The following GNA15 variants were observed in gnomAD, a reference collection of about 807,000 sequenced individuals.
GNA15 encodes guanine nucleotide-binding protein subunit alpha-15.
In GNA15, 23 loss-of-function variants were observed where a neutral mutation model predicts 40.1. That is an observed-to-expected ratio of 0.57 (90% CI 0.41 to 0.81). The LOEUF (loss-of-function observed/expected upper bound fraction) is 0.81, where lower values mean the gene tolerates loss of function less well. Ranked by LOEUF, GNA15 falls within the 40% of genes least tolerant of loss-of-function variation. The pLI is 0.00. For missense variants in GNA15, 522 were observed against 515.8 expected (o/e 1.01, Z -0.12); for synonymous variants, 226 against 210.4 (o/e 1.07, Z -0.64).
chr19:3,137,212 G>A (rs1914478668), intron 1 of GNA15, among the ~76,000 whole-genome samples: 1 of 152,238 alleles, frequency 6.6e-6, no homozygotes, highest in Non-Finnish European at 1.5e-5. Flanking sequence ...TCCTGTGAAG[G>A]AGCCAAGACA....
chr19:3,146,827 A>G (rs1914733794), intron 1 of GNA15, among the ~76,000 whole-genome samples: 1 of 150,700 alleles, frequency 6.6e-6, no homozygotes, highest in Non-Finnish European at 1.5e-5. Context: ...ACAGCCCTCC[A>G]TGGCTCCCAA....
chr19:3,137,169 G>A (rs1473949494), intron 1 of GNA15, among the ~76,000 whole-genome samples: 1 of 152,248 alleles, frequency 6.6e-6, no homozygotes, highest in Non-Finnish European at 1.5e-5. Flanking sequence ...CAGCCAAACA[G>A]GGGAAGATAT....
Position 3,162,862 on chromosome 19 carries a change from G to A in GNA15, c.968G>A (p.Cys323Tyr), listed in dbSNP as rs1915171324. The A allele has an allele frequency of 1.2e-6, 2 of 1,613,940 alleles. No individual in the cohort carries two copies. Among genetic ancestry groups the A allele is most frequent in the Non-Finnish European group, 1.7e-6 (2 of 1,179,954 alleles). Residue 323 changes from cysteine to tyrosine, a missense_variant, in exon 7 of 7, where the codon TGC becomes TAC. Physicochemically the swap from Cys to Tyr is radical, Grantham distance 194. Transcript: ENST00000262958. ...LDMYTRMYTG[C>Y]VDGPEGSKKG... ...ATGTACACGAGGATGTACACCGGGT[G>A]CGTGGACGGCCCCGAGGGCAGCAAG...
chr19:3,157,833 G>A lies in GNA15; in HGVS notation c.850G>A (p.Glu284Lys). The A allele has an allele frequency of 6.2e-7, 1 of 1,613,838 alleles. No homozygotes were observed. Among genetic ancestry groups the A allele is most frequent in the Non-Finnish European group, 8.5e-7 (1 of 1,179,736 alleles). The change falls in exon 6 of 7, where the codon GAG (glutamate) becomes AAG (lysine). Residue 284 changes from glutamate to lysine, a missense_variant. Glu to Lys is a moderately conservative substitution (Grantham distance 56). Coordinates refer to ENST00000262958, the MANE Select transcript of GNA15 (RefSeq NM_002068.4). ...TCTCAACAAAACCGACATCCTGGAGGAGAAAATCCCCACCTCCCACCTGGC... is the reference window on the plus strand; with the variant it reads ...TCTCAACAAAACCGACATCCTGGAGAAGAAAATCCCCACCTCCCACCTGGC... The part of the protein sequence containing the change: ...LFLNKTDILE[E>K]KIPTSHLATY...
chr19:3,150,249 G>A lies in GNA15; in HGVS notation c.449G>A (p.Arg150His), dbSNP rs759088980. The A allele has an allele frequency of 1.7e-5, 27 of 1,606,452 alleles. No homozygotes were observed. Among genetic ancestry groups the A allele is most frequent in the Admixed American group, 8.5e-5 (5 of 59,170 alleles). Residue 150 changes from arginine to histidine, a missense_variant, in exon 3 of 7, where the codon CGT (arginine) becomes CAT (histidine). By Grantham distance (29) the Arg-to-His change is conservative. Coordinates refer to ENST00000262958, the MANE Select transcript of GNA15 (RefSeq NM_002068.4). ...GCCGGCATCCGGGCCTGCTATGAGC[G>A]TCGGCGGGAATTCCACCTGCTCGAT... ...RDAGIRACYERRREFHLLDSA... is the reference protein window; with the variant it reads ...RDAGIRACYEHRREFHLLDSA...
In GNA15 at chr19:3,155,871, T is replaced by A; in HGVS notation, c.663T>A (p.His221Gln). The A allele has an allele frequency of 6.2e-7, 1 of 1,613,908 alleles. No homozygotes were observed. The highest frequency in any genetic ancestry group is 2.2e-5 in the East Asian group (1 of 44,866). The part of the protein sequence containing the change: ...GQKSERKKWI[H>Q]CFENVIALIY... ...AGTCAGAGCGTAAGAAATGGATCCA[T>A]TGTTTCGAGAACGTGATCGCCCTCA... The change falls in exon 5 of 7, where the codon CAT becomes CAA. Residue 221 changes from histidine to glutamine, a missense_variant. Coordinates refer to ENST00000262958, the MANE Select transcript of GNA15 (RefSeq NM_002068.4). The surrounding 1 kb of genome is among the most constrained non-coding windows in gnomAD (Gnocchi z 5.6).
chr19:3,156,411 A>G (rs565054240), intron 5 of GNA15, among the ~76,000 whole-genome samples: 160 of 122,652 alleles, frequency 1.3e-3, no homozygotes, highest in African/African-American at 5.2e-3. Flanking sequence ...ACACATGCGC[A>G]CACACATGAA....
chr19:3,141,420 G>T (rs1914573761), intron 1 of GNA15, among the ~76,000 whole-genome samples: 1 of 152,104 alleles, frequency 6.6e-6, no homozygotes, highest in African/African-American at 2.4e-5. Context: ...TTTTGAGACA[G>T]AGTCTTACTC....
chr19:3,147,600 A>T (rs550416371), intron 1 of GNA15, among the ~76,000 whole-genome samples: 119 of 149,940 alleles, frequency 7.9e-4, no homozygotes, highest in Non-Finnish European at 1.5e-3. Flanking sequence ...CCATAACCAT[A>T]AAAAGTATTA....
Position 3,136,521 on chromosome 19 carries a change from T to C in GNA15, c.71T>C (p.Val24Ala). Reference protein sequence around the residue: ...LTEDEKAAARVDQEINRILLE... With the variant: ...LTEDEKAAARADQEINRILLE... ...GAGGATGAGAAGGCCGCCGCCCGGG[T>C]GGACCAGGAGATCAACAGGATCCTC... Residue 24 changes from valine (V) to alanine (A), a missense_variant, in exon 1 of 7, where the codon GTG becomes GCG. Coordinates refer to ENST00000262958, the MANE Select transcript of GNA15 (RefSeq NM_002068.4). The surrounding 1 kb of genome is among the most constrained non-coding windows in gnomAD (Gnocchi z 4.9). 6.4e-7 allele frequency: 1 copy of C among 1,565,900 alleles called. No homozygotes were observed. Among genetic ancestry groups the C allele is most frequent in the South Asian group, 1.2e-5 (1 of 85,256 alleles).
Position 3,155,855 on chromosome 19 carries a change from G to A in GNA15, c.647G>A (p.Arg216His), listed in dbSNP as rs775221783. ...IVDVGGQKSERKKWIHCFENV... is the reference protein window; with the variant it reads ...IVDVGGQKSEHKKWIHCFENV... ...GACGTCGGGGGCCAGAAGTCAGAGC[G>A]TAAGAAATGGATCCATTGTTTCGAG... Residue 216 changes from arginine (R) to histidine (H), a missense_variant, in exon 5 of 7, where the codon CGT (arginine) becomes CAT (histidine). Arg to His is a conservative substitution (Grantham distance 29). Transcript: ENST00000262958. The surrounding 1 kb of genome is among the most constrained non-coding windows in gnomAD (Gnocchi z 5.6). 5 of 1,613,798 alleles carry A rather than the reference G, an allele frequency of 3.1e-6. No individual in the cohort carries two copies. In the Admixed American group the frequency reaches 6.7e-5, roughly 22 times the overall value.
Position 3,162,870 on chromosome 19 carries a change from G to T in GNA15, c.976G>T (p.Gly326Cys), listed in dbSNP as rs752679814. ...YTRMYTGCVD[G>C]PEGSKKGARS... ...GAGGATGTACACCGGGTGCGTGGAC[G>T]GCCCCGAGGGCAGCAAGAAGGGCGC... Residue 326 changes from glycine to cysteine, a missense_variant, in exon 7 of 7, where the codon GGC becomes TGC. Gly to Cys is a radical substitution (Grantham distance 159). Coordinates refer to ENST00000262958, the MANE Select transcript of GNA15 (RefSeq NM_002068.4). 3.1e-6 allele frequency: 5 copies of T among 1,613,958 alleles called. No individual in the cohort carries two copies. Among genetic ancestry groups the T allele is most frequent in the Non-Finnish European group, 2.5e-6 (3 of 1,179,878 alleles).
chr19:3,156,431 G>A (rs1259392190), intron 5 of GNA15, among the ~76,000 whole-genome samples: 2 of 140,864 alleles, frequency 1.4e-5, no homozygotes, highest in South Asian at 4.4e-4. Context: ...ACACACACAT[G>A]CACACACACA....
intron 1 of GNA15, among the ~76,000 whole-genome samples, chr19:3,147,424 G>A (rs1172628290): frequency 6.6e-6 from 1 of 151,766 alleles, no homozygotes; most frequent in Non-Finnish European, 1.5e-5. Flanking sequence ...GTGGTGGCAC[G>A]CGCCTGTTAC....
rs187000039 is a variant in GNA15 at position 3,144,081 on chromosome 19, G to A, written c.146-4510G>A. 9.3e-4 allele frequency among the ~76,000 whole-genome samples: 137 copies of A among 147,590 alleles called. 1 individual carries two copies. The highest frequency in any genetic ancestry group is 1.2e-3 in the Non-Finnish European group (84 of 67,530). Reference sequence around the variant, plus strand: ...GGAGCTTACAGTGAGCCGAGATCGCGACACTGCACTCCAGCCTGGGCGATA... The same window carrying A: ...GGAGCTTACAGTGAGCCGAGATCGCAACACTGCACTCCAGCCTGGGCGATA... On this transcript the variant is annotated intron_variant, in intron 1 of 6. Coordinates refer to ENST00000262958, the MANE Select transcript of GNA15 (RefSeq NM_002068.4).
chr19:3,163,179 C>T lies in GNA15; in HGVS notation c.*160C>T. On this transcript the variant is annotated 3_prime_UTR_variant, in exon 7 of 7. Transcript: ENST00000262958. ...CTGCTGGCCGCTCTCTTCTCTGCCT[C>T]TCACCAGGACAGCCGCCCCCCAGGG... 1 of 610,160 alleles carries T rather than the reference C, an allele frequency of 1.6e-6. No individual in the cohort carries two copies. Among genetic ancestry groups the T allele is most frequent in the Non-Finnish European group, 2.9e-6 (1 of 341,506 alleles). The allele number at this position is 610,160 out of a possible 1,614,324, so 37.8% of individuals were successfully genotyped here.
At chr19:3,142,356 C>T (rs1006451067) in intron 1 of GNA15, 3 of 152,142 alleles carry the variant, frequency 2.0e-5, no homozygotes, top group African/African-American at 7.2e-5. Flanking sequence ...CGCAGCTCTT[C>T]AGGCTTCGGG....
chr19:3,158,528 G>C (rs1915078846), intron 6 of GNA15, among the ~76,000 whole-genome samples: 1 of 152,178 alleles, frequency 6.6e-6, no homozygotes, highest in South Asian at 2.1e-4. Context: ...TTGCTATGTA[G>C]AGGTCACTGT....
In GNA15 at chr19:3,163,014, C is replaced by G; in HGVS notation, c.1120C>G (p.Leu374Val). The G allele has an allele frequency of 6.2e-7, 1 of 1,611,160 alleles. No homozygotes were observed. The highest frequency in any genetic ancestry group is 8.5e-7 in the Non-Finnish European group (1 of 1,177,478). ...LARYLDEINL[L>V] is the part of the protein sequence containing the mutation. ...CCGCTACCTGGACGAGATCAACCTG[C>G]TGTGACCCAGGCCCCACCTGGGGCA... Residue 374 changes from leucine (L) to valine (V), a missense_variant, in exon 7 of 7, where the codon CTG becomes GTG. Transcript: ENST00000262958.
Sources: gnomAD v4.1 joint callset for allele counts (sites outside exome capture counted in the v4.1 genomes callset) on GRCh38, gnomAD v4.1.1 for gene constraint, Gnocchi (gnomAD v3.1) non-coding constraint, MANE v1.5 for transcripts, NCBI Gene and HGNC (gene_info 2026-07-23, HGNC 2026-07-21) for gene names.